The following MED1 variants were observed in gnomAD, a reference collection of about 807,000 sequenced individuals.
MED1 encodes the protein mediator of RNA polymerase II transcription subunit 1.
Under a neutral mutation model 121.3 loss-of-function variants are expected in MED1, and 17 were observed. That is an observed-to-expected ratio of 0.14 (90% CI 0.10 to 0.21). MED1 has a LOEUF of 0.21. Ranked by LOEUF, MED1 falls within the 10% of genes least tolerant of loss-of-function variation. The pLI, the probability that MED1 is intolerant of heterozygous loss-of-function variation, is 1.00. For missense variants in MED1, 1,558 were observed against 1,919.4 expected (o/e 0.81, Z 3.52); for synonymous variants, 661 against 694.4 (o/e 0.95, Z 0.76).
At chr17:39,411,870 C>T (rs1207912234) in intron 16 of MED1, among the ~76,000 whole-genome samples, 2 of 151,842 alleles carry the variant, frequency 1.3e-5, no homozygotes, top group Non-Finnish European at 2.9e-5. Context: ...ATTAGCTGGG[C>T]ATGGTGGCAG....
chr17:39,442,598 GAAAAAAAA>G lies in MED1; in HGVS notation c.211+944_211+951del, dbSNP rs34492410. Among the ~76,000 whole-genome samples, 4 of 65,816 alleles carry G rather than the reference GAAAAAAAA, an allele frequency of 6.1e-5. No individual in the cohort carries two copies. In the South Asian group the frequency reaches 2.2e-3, roughly 37 times the overall value. 43.2% of individuals were successfully genotyped at this position (65,816 alleles called of 152,430 possible). Reference sequence around the variant, plus strand: ...GGTGACAGAGTGAGACACCGTCTCGGAAAAAAAAAAAAAAAAAAAAAAACTTCGCGAGT... The same window carrying G: ...GGTGACAGAGTGAGACACCGTCTCGGAAAAAAAAAAAAAAACTTCGCGAGT... On this transcript the variant is annotated intron_variant, in intron 3 of 16. Transcript: ENST00000300651.
chr17:39,410,368 A>G lies in MED1; in HGVS notation c.1853T>C (p.Ile618Thr), dbSNP rs377126143. The G allele has an allele frequency of 9.3e-6, 15 of 1,613,918 alleles. No individual in the cohort carries two copies. In the African/African-American group the frequency reaches 1.2e-4, roughly 13 times the overall value. ...ATGAGGAGGGGTCGGACTCGAGCCA[A>G]TGGTAGACCCCCCGTTCCCTGTGAT... ...LQITGNGGST[I>T]GSSPTPPHHT... is the part of the protein sequence containing the mutation. Residue 618 changes from isoleucine (I) to threonine (T), a missense_variant, in exon 17 of 17, where the codon ATT (isoleucine) becomes ACT (threonine). Transcript: ENST00000300651.
At chr17:39,411,824 C>A (rs1204568024) in intron 16 of MED1, among the ~76,000 whole-genome samples, 1 of 151,756 alleles carries the variant, frequency 6.6e-6, no homozygotes, top group Non-Finnish European at 1.5e-5. Flanking sequence ...CATAGTGAAA[C>A]CCCATCTCTA....
In MED1 at chr17:39,407,891, C is replaced by T; in HGVS notation, c.4330G>A (p.Glu1444Lys). The change falls in exon 17 of 17, where the codon GAG becomes AAG. Residue 1444 changes from glutamate to lysine, a missense_variant. This residue lies in a region of MED1 where 264 missense variants were observed against 326.1 expected (regional missense o/e 0.81). Coordinates refer to ENST00000300651, the MANE Select transcript of MED1 (RefSeq NM_004774.4). ...TTACTATGGCTGGGAGAGCCACGCTCATGCTTTGGAGTGGAACCACTGATG... is the reference window on the plus strand; with the variant it reads ...TTACTATGGCTGGGAGAGCCACGCTTATGCTTTGGAGTGGAACCACTGATG... ...PLISGSTPKH[E>K]RGSPSHSKSP... 1 of 1,614,078 alleles carries T rather than the reference C, an allele frequency of 6.2e-7. No individual in the cohort carries two copies. The highest frequency in any genetic ancestry group is 8.5e-7 in the Non-Finnish European group (1 of 1,180,022).
chr17:39,448,210 A>G (rs150397560), intron 1 of MED1, among the ~76,000 whole-genome samples: 109 of 151,120 alleles, frequency 7.2e-4, no homozygotes, highest in African/African-American at 2.5e-3. Context: ...GTCTCTACCG[A>G]AAATACAAAA....
intron 1 of MED1, 113 bp from the exon 2 acceptor site, chr17:39,448,017 T>G (rs1393918077): frequency 1.5e-6 from 1 of 686,664 alleles, no homozygotes; most frequent in Non-Finnish European, 2.4e-6. Flanking sequence ...AGTTAAAATA[T>G]TTTCCAAAAT....
Position 39,406,519 on chromosome 17 carries a change from G to C in MED1, c.*956C>G. 1.0e-6 allele frequency: 1 copy of C among 984,254 alleles called. No individual in the cohort carries two copies. The highest frequency in any genetic ancestry group is 1.8e-5 in the African/African-American group (1 of 56,858). The allele number at this position is 984,254 out of a possible 1,614,324, so 61.0% of individuals were successfully genotyped here. ...AGGCTGTCCTACACTAAACCTTACT[G>C]CATCTGAAAACATGTTTACATCCCA... On this transcript the variant is annotated 3_prime_UTR_variant, in exon 17 of 17. Coordinates refer to ENST00000300651, the MANE Select transcript of MED1 (RefSeq NM_004774.4).
chr17:39,409,765 G>T lies in MED1; in HGVS notation c.2456C>A (p.Thr819Asn), dbSNP rs1337197679. Reference sequence around the variant, plus strand: ...TTGAAAGACATCAGAGTCAAACAGGGTACTCTGAGAATGCCCAGAGCTTGA... The same window carrying T: ...TTGAAAGACATCAGAGTCAAACAGGTTACTCTGAGAATGCCCAGAGCTTGA... ...DSSSSGHSQS[T>N]LFDSDVFQTN... The change falls in exon 17 of 17, where the codon ACC becomes AAC. Residue 819 changes from threonine (T) to asparagine (N), a missense_variant. Thr to Asn is a moderately conservative substitution (Grantham distance 65, BLOSUM62 0). This residue lies in a region of MED1 where 793 missense variants were observed against 898.2 expected (regional missense o/e 0.88). Transcript: ENST00000300651. 4 of 1,613,940 alleles carry T rather than the reference G, an allele frequency of 2.5e-6. No homozygotes were observed. The East Asian group carries it at 8.9e-5, about 36-fold the overall frequency.
intron 7 of MED1, among the ~76,000 whole-genome samples, chr17:39,432,480 G>C (rs1336234826): frequency 2.6e-5 from 4 of 151,858 alleles, no homozygotes. Context: ...AGGCGCAGTG[G>C]CTCATGCCTA....
At position 39,434,328 on chromosome 17, in the gene MED1, G is replaced by A. The variant is rs1489977192; in HGVS notation, c.429-8C>T. 5 of 1,464,444 alleles carry A rather than the reference G, an allele frequency of 3.4e-6. No individual in the cohort carries two copies. Among genetic ancestry groups the A allele is most frequent in the Admixed American group, 2.3e-5 (1 of 43,740 alleles). 90.7% of individuals were successfully genotyped at this position (1,464,444 alleles called of 1,614,324 possible). ...TCATCAAAATTTTTTTCCCTATAAG[G>A]AGTTCAGGGAAGAGGGGAAAGAGAG... On this transcript the variant is annotated splice_region_variant and splice_polypyrimidine_tract_variant and intron_variant, in intron 6 of 16. Transcript: ENST00000300651.
At chr17:39,446,776 GA>G (rs778959603) in intron 2 of MED1, among the ~76,000 whole-genome samples, 176 of 120,066 alleles carry the variant, frequency 1.5e-3, no homozygotes, top group Middle Eastern at 4.2e-3. Context: ...CCATCTCAAA[GA>G]AAAAAAAAAA....
At chr17:39,423,275 C>G (rs1474796705) in intron 13 of MED1, 52 bp downstream of exon 13, 1 of 1,313,870 alleles carries the variant, frequency 7.6e-7, no homozygotes, top group South Asian at 1.2e-5. Context: ...AGATTATGAT[C>G]TTGGGTCCAA....
chr17:39,424,039 C>T (rs1319831441), intron 11 of MED1, among the ~76,000 whole-genome samples: 3 of 152,008 alleles, frequency 2.0e-5, no homozygotes, highest in African/African-American at 7.2e-5. Context: ...CCCGCCACCA[C>T]GCCCGGCTAA....
At chr17:39,435,237 G>C (rs894322859) in intron 6 of MED1, among the ~76,000 whole-genome samples, 2 of 152,050 alleles carry the variant, frequency 1.3e-5, no homozygotes, top group Non-Finnish European at 2.9e-5. Context: ...AAAGATGAGA[G>C]GGAAAACAAA....
At chr17:39,443,017 T>G (rs1344334636) in intron 3 of MED1, among the ~76,000 whole-genome samples, 1 of 147,734 alleles carries the variant, frequency 6.8e-6, no homozygotes, top group African/African-American at 2.5e-5. Flanking sequence ...TTTTTTTTTT[T>G]TTTGAGACAA....
In MED1 at chr17:39,408,469, G is replaced by A; in HGVS notation, c.3752C>T (p.Ser1251Phe). The A allele has an allele frequency of 6.2e-7, 1 of 1,614,192 alleles. No individual in the cohort carries two copies. The highest frequency in any genetic ancestry group is 8.5e-7 in the Non-Finnish European group (1 of 1,180,038). Residue 1251 changes from serine (S) to phenylalanine (F), a missense_variant, in exon 17 of 17, where the codon TCC (serine) becomes TTC (phenylalanine). By Grantham distance (155) the Ser-to-Phe change is radical. This residue lies in a region of MED1 where 793 missense variants were observed against 898.2 expected (regional missense o/e 0.88). Coordinates refer to ENST00000300651, the MANE Select transcript of MED1 (RefSeq NM_004774.4). This position sits in a 1 kb window ranked among gnomAD's most constrained non-coding sequence, Gnocchi z 4.7. ...SGMKSSSGLG[S>F]SGSLSQKTPP... ...AGTTTTCTGGGACAACGAGCCTGAGGATCCTAACCCTGAAGATGACTTCAT... is the reference window on the plus strand; with the variant it reads ...AGTTTTCTGGGACAACGAGCCTGAGAATCCTAACCCTGAAGATGACTTCAT...
At chr17:39,450,926 C>G (rs2048776236) in intron 1 of MED1, 112 bp downstream of exon 1, 1 of 888,700 alleles carries the variant, frequency 1.1e-6, no homozygotes. Context: ...ATTCCCTCTC[C>G]TGGACTCTAT....
Position 39,431,100 on chromosome 17 carries a change from A to G in MED1, c.649+15T>C. 1 of 1,598,366 alleles carries G rather than the reference A, an allele frequency of 6.3e-7. No individual in the cohort carries two copies. The highest frequency in any genetic ancestry group is 8.6e-7 in the Non-Finnish European group (1 of 1,166,618). ...ATTACACATGTTTCTAAACAAGCAA[A>G]ATAGGATCACGTACCCCCACTCCTT... On this transcript the variant is annotated intron_variant, in intron 9 of 16. Coordinates refer to ENST00000300651, the MANE Select transcript of MED1 (RefSeq NM_004774.4).
In MED1 at chr17:39,405,386, G is replaced by A; in HGVS notation, c.*2089C>T. 2.6e-6 allele frequency: 4 copies of A among 1,554,812 alleles called. No individual in the cohort carries two copies. Among genetic ancestry groups the A allele is most frequent in the Non-Finnish European group, 2.6e-6 (3 of 1,148,892 alleles). ...TTTGTTGGCCCTGCATGGGGGAGCT[G>A]AGCCCATGATACTATTCAGTACATT... On this transcript the variant is annotated 3_prime_UTR_variant, in exon 17 of 17. Coordinates refer to ENST00000300651, the MANE Select transcript of MED1 (RefSeq NM_004774.4).
Sources: gnomAD v4.1 joint callset for allele counts (sites outside exome capture counted in the v4.1 genomes callset) on GRCh38, gnomAD v4.1.1 for gene constraint, gnomAD v4.1.1 regional missense constraint, Gnocchi (gnomAD v3.1) non-coding constraint, MANE v1.5 for transcripts, NCBI Gene and HGNC (gene_info 2026-07-23, HGNC 2026-07-21) for gene names.